BMP5: variants seen among roughly 807,000 people sequenced by gnomAD.
BMP5 encodes bone morphogenetic protein 5.
A neutral mutation model predicts 46.6 loss-of-function variants in BMP5; 23 were observed. That is an observed-to-expected ratio of 0.49 (90% CI 0.35 to 0.70). BMP5 has a LOEUF of 0.70. Among genes scored for constraint, BMP5 ranks in the 30% least tolerant of loss-of-function variants. The pLI is 0.00. For missense variants in BMP5, 545 were observed against 565.6 expected (o/e 0.96, Z 0.37); for synonymous variants, 204 against 191.9 (o/e 1.06, Z -0.52).
intron 3 of BMP5, among the ~76,000 whole-genome samples, chr6:55,776,658 T>G (rs1306136841): frequency 6.6e-6 from 1 of 151,744 alleles, no homozygotes; most frequent in Non-Finnish European, 1.5e-5. Flanking sequence ...GAAATCATTT[T>G]TAATGTATGA....
At chr6:55,761,873 C>T (rs1230894043) in intron 4 of BMP5, among the ~76,000 whole-genome samples, 1 of 152,030 alleles carries the variant, frequency 6.6e-6, no homozygotes, top group African/African-American at 2.4e-5. Flanking sequence ...CTCTGTTTTG[C>T]TCACTGATGT....
At chr6:55,757,021 G>A (rs1774624927) in intron 6 of BMP5, among the ~76,000 whole-genome samples, 1 of 151,914 alleles carries the variant, frequency 6.6e-6, no homozygotes, top group African/African-American at 2.4e-5. Context: ...GTATGCTCCA[G>A]TTTTGCAATG....
chr6:55,774,263 C>A lies in BMP5; in HGVS notation c.833-20G>T. The A allele has an allele frequency of 6.2e-7, 1 of 1,608,396 alleles. No individual in the cohort carries two copies. The highest frequency in any genetic ancestry group is 8.5e-7 in the Non-Finnish European group (1 of 1,175,612). On this transcript the variant is annotated intron_variant, in intron 3 of 6. Transcript: ENST00000370830. Reference sequence around the variant, plus strand: ...TGCGTCCTAGAACGTAATACAAAAGCACTTGGTTTATGAAAAAGAAAGAAC... The same window carrying A: ...TGCGTCCTAGAACGTAATACAAAAGAACTTGGTTTATGAAAAAGAAAGAAC...
At chr6:55,792,755 T>C (rs886198852) in intron 3 of BMP5, among the ~76,000 whole-genome samples, 2 of 152,028 alleles carry the variant, frequency 1.3e-5, no homozygotes, top group Non-Finnish European at 2.9e-5. Context: ...TTGAAAAAGG[T>C]CCAAGACAGA....
chr6:55,785,092 G>A (rs1387807028), intron 3 of BMP5, among the ~76,000 whole-genome samples: 1 of 151,660 alleles, frequency 6.6e-6, no homozygotes, highest in East Asian at 1.9e-4. Context: ...GGAAATGCAT[G>A]GTTTAAATTC....
At chr6:55,779,979 C>T (rs1775268593) in intron 3 of BMP5, among the ~76,000 whole-genome samples, 1 of 151,798 alleles carries the variant, frequency 6.6e-6, no homozygotes, top group Non-Finnish European at 1.5e-5. Flanking sequence ...TTGAGTGATT[C>T]TTCACAGTAA....
chr6:55,791,697 A>T (rs942298900), intron 3 of BMP5, among the ~76,000 whole-genome samples: 6 of 152,066 alleles, frequency 3.9e-5, no homozygotes, highest in African/African-American at 1.4e-4. Flanking sequence ...CCAATACAAG[A>T]TAAGAGTGGG....
Position 55,754,694 on chromosome 6 carries a change from G to A in BMP5, c.*839C>T, listed in dbSNP as rs929344369. On this transcript the variant is annotated 3_prime_UTR_variant, in exon 7 of 7. Transcript: ENST00000370830. ...GGAGGAAAGTGGAGCACATGTAAAT[G>A]TTTCTTTATTTTGGACTAGGTTTTT... The A allele has an allele frequency of 3.3e-5, 5 of 151,856 alleles. No homozygotes were observed. The highest frequency in any genetic ancestry group is 1.5e-5 in the Non-Finnish European group (1 of 67,910). The allele number at this position is 151,856 out of a possible 1,614,324, so 9.4% of individuals were successfully genotyped here.
At chr6:55,844,796 A>G (rs1183610148) in intron 1 of BMP5, among the ~76,000 whole-genome samples, 1 of 151,992 alleles carries the variant, frequency 6.6e-6, no homozygotes, top group Admixed American at 6.6e-5. Flanking sequence ...TCAATGAAAT[A>G]TACAAGAAAT....
chr6:55,774,779 G>GT (rs1775132224), intron 3 of BMP5, among the ~76,000 whole-genome samples: 1 of 151,956 alleles, frequency 6.6e-6, no homozygotes, highest in Non-Finnish European at 1.5e-5. Flanking sequence ...TACACTTAAA[G>GT]TTCTTCACAA....
At chr6:55,762,105 A>C (rs1774797587) in intron 4 of BMP5, among the ~76,000 whole-genome samples, 1 of 152,136 alleles carries the variant, frequency 6.6e-6, no homozygotes, top group African/African-American at 2.4e-5. Context: ...TCTGGAATAA[A>C]GTAAAATACT....
intron 2 of BMP5, among the ~76,000 whole-genome samples, chr6:55,817,162 C>G (rs1290638702): frequency 1.3e-5 from 2 of 152,274 alleles, no homozygotes; most frequent in East Asian, 3.9e-4. Context: ...GGACTGTAAA[C>G]TAGTTCAACC....
chr6:55,771,201 A>G (rs773958446), intron 4 of BMP5, among the ~76,000 whole-genome samples: 11 of 151,704 alleles, frequency 7.3e-5, no homozygotes, highest in Non-Finnish European at 1.0e-4. Flanking sequence ...CACTGAATAT[A>G]CTCCTTCAAG....
intron 1 of BMP5, chr6:55,865,424 C>T (rs1037837902): frequency 4.0e-6 from 2 of 505,586 alleles, no homozygotes; most frequent in Admixed American, 2.0e-5. Context: ...GTATGAAAAG[C>T]ACCTTTCAGC....
At chr6:55,772,026 T>C (rs1418347894) in intron 4 of BMP5, among the ~76,000 whole-genome samples, 1 of 151,898 alleles carries the variant, frequency 6.6e-6, no homozygotes, top group Non-Finnish European at 1.5e-5. Context: ...TACTACCTAT[T>C]GAAAGGTTAA....
intron 4 of BMP5, among the ~76,000 whole-genome samples, chr6:55,761,109 A>G (rs1366606540): frequency 6.6e-6 from 1 of 151,970 alleles, no homozygotes; most frequent in Non-Finnish European, 1.5e-5. Flanking sequence ...AAAAACCAAA[A>G]CAAAACAACA....
At chr6:55,860,019 T>C (rs1025280283) in intron 1 of BMP5, among the ~76,000 whole-genome samples, 2 of 152,216 alleles carry the variant, frequency 1.3e-5, no homozygotes, top group Admixed American at 1.3e-4. Flanking sequence ...CTCATGCCTA[T>C]AATCCCAGCA....
At chr6:55,823,245 T>C (rs1479541711) in intron 1 of BMP5, among the ~76,000 whole-genome samples, 1 of 152,078 alleles carries the variant, frequency 6.6e-6, no homozygotes, top group African/African-American at 2.4e-5. Context: ...GTTTAAACAA[T>C]GTCTTTCAGC....
At chr6:55,794,470 G>A in intron 2 of BMP5, 43 bp from the exon 3 acceptor site, 1 of 1,581,252 alleles carries the variant, frequency 6.3e-7, no homozygotes, top group Non-Finnish European at 8.7e-7. Flanking sequence ...AGGTTTAAAT[G>A]AACATCATTA....
Sources: gnomAD v4.1 joint callset for allele counts (sites outside exome capture counted in the v4.1 genomes callset) on GRCh38, gnomAD v4.1.1 for gene constraint, MANE v1.5 for transcripts, NCBI Gene and HGNC (gene_info 2026-07-23, HGNC 2026-07-21) for gene names.